Variants in TNNI3K observed in about 807,000 individuals in gnomAD.
The protein encoded by TNNI3K is TNNI3 interacting kinase, also known as serine/threonine-protein kinase TNNI3K.
A neutral mutation model predicts 114.5 loss-of-function variants in TNNI3K; 140 were observed. The observed-to-expected ratio is 1.22, with a 90% confidence interval of 1.07 to 1.41. The LOEUF is 1.41. TNNI3K is among the 40% of genes most tolerant of loss of function. The pLI is 0.00. For synonymous variants in TNNI3K, 347 were observed against 347.5 expected (o/e 1.00, Z 0.02); for missense variants, 1,125 against 1,007.6 (o/e 1.12, Z -1.58).
chr1:74,491,270 A>G (rs2100301332), intron 22 of TNNI3K, among the ~76,000 whole-genome samples: 1 of 152,294 alleles, frequency 6.6e-6, no homozygotes, highest in Non-Finnish European at 1.5e-5. Context: ...TCCAGGCTGG[A>G]GTGCAGTGGC....
At chr1:74,425,126 G>A (rs1052393201) in intron 17 of TNNI3K, among the ~76,000 whole-genome samples, 3 of 152,084 alleles carry the variant, frequency 2.0e-5, no homozygotes, top group Admixed American at 6.6e-5. Context: ...GAAGTCATTG[G>A]TGTGAGTAGA....
At chr1:74,491,164 G>A (rs1669053830) in intron 22 of TNNI3K, among the ~76,000 whole-genome samples, 1 of 152,156 alleles carries the variant, frequency 6.6e-6, no homozygotes, top group Admixed American at 6.5e-5. Context: ...CCGGTTGAAG[G>A]AGCTAATGAT....
At chr1:74,385,197 T>C (rs1663411491) in intron 17 of TNNI3K, among the ~76,000 whole-genome samples, 1 of 152,094 alleles carries the variant, frequency 6.6e-6, no homozygotes, top group Admixed American at 6.6e-5. Context: ...AACTAATCAA[T>C]AGAGTTGAAA....
At chr1:74,318,110 C>T (rs1659418570) in intron 5 of TNNI3K, among the ~76,000 whole-genome samples, 1 of 152,160 alleles carries the variant, frequency 6.6e-6, no homozygotes, top group East Asian at 1.9e-4. Flanking sequence ...TAGGGCTCAT[C>T]GAATTTGTTC....
chr1:74,307,708 T>C (rs1193861117), intron 5 of TNNI3K, among the ~76,000 whole-genome samples: 1 of 152,014 alleles, frequency 6.6e-6, no homozygotes, highest in Non-Finnish European at 1.5e-5. Flanking sequence ...CGGCCAGGCG[T>C]GGTGGCTTAA....
intron 7 of TNNI3K, among the ~76,000 whole-genome samples, chr1:74,340,764 G>A (rs532552203): frequency 6.6e-6 from 1 of 152,216 alleles, no homozygotes; most frequent in Non-Finnish European, 1.5e-5. Flanking sequence ...CAGATGCCCT[G>A]GACCCCTAAC....
At chr1:74,303,436 A>C (rs983388321) in intron 5 of TNNI3K, among the ~76,000 whole-genome samples, 25 of 152,108 alleles carry the variant, frequency 1.6e-4, no homozygotes, top group African/African-American at 5.6e-4. Context: ...AAGTGCTGGG[A>C]TTACAGGCAT....
chr1:74,419,062 G>T (rs1225800567), intron 17 of TNNI3K, among the ~76,000 whole-genome samples: 1 of 152,038 alleles, frequency 6.6e-6, no homozygotes. Context: ...AAAAGTTGGT[G>T]GCTTAAAACA....
intron 17 of TNNI3K, chr1:74,416,603 C>T (rs1397164849): frequency 2.8e-5 from 27 of 958,912 alleles, no homozygotes; most frequent in Admixed American, 6.2e-5. Context: ...TTCTGTTTCC[C>T]CTTCCTCTTC....
intron 5 of TNNI3K, among the ~76,000 whole-genome samples, chr1:74,314,481 C>G (rs1303092596): frequency 6.6e-6 from 1 of 151,980 alleles, no homozygotes; most frequent in Non-Finnish European, 1.5e-5. Flanking sequence ...CTTCTCTGAA[C>G]AGGCTACATA....
At chr1:74,374,608 T>C (rs1570541097) in intron 17 of TNNI3K, 1 of 151,994 alleles carries the variant, frequency 6.6e-6, no homozygotes, top group Admixed American at 6.6e-5. Context: ...CAATTTCTCA[T>C]ATCATCTTAT....
At chr1:74,236,646 C>T (rs1301152183) in intron 2 of TNNI3K, among the ~76,000 whole-genome samples, 1 of 151,792 alleles carries the variant, frequency 6.6e-6, no homozygotes, top group Non-Finnish European at 1.5e-5. Context: ...GGTCTCTTGA[C>T]ATTGAAAGGC....
At chr1:74,304,283 T>C (rs1287149974) in intron 5 of TNNI3K, among the ~76,000 whole-genome samples, 1 of 152,184 alleles carries the variant, frequency 6.6e-6, no homozygotes, top group Non-Finnish European at 1.5e-5. Flanking sequence ...AACATTGTCT[T>C]ATTTTAAGAA....
At chr1:74,469,971 G>T in intron 21 of TNNI3K, 2 of 400,632 alleles carry the variant, frequency 5.0e-6, no homozygotes, top group South Asian at 2.5e-4. Flanking sequence ...CATTTATTCT[G>T]CTAGGAACTA....
intron 17 of TNNI3K, among the ~76,000 whole-genome samples, chr1:74,393,742 G>T (rs1188583145): frequency 1.3e-5 from 2 of 152,262 alleles, no homozygotes; most frequent in African/African-American, 4.8e-5. Flanking sequence ...TGGGGGCCCT[G>T]AGGGGAGGCA....
intron 17 of TNNI3K, among the ~76,000 whole-genome samples, chr1:74,402,308 A>G (rs1664405122): frequency 2.0e-5 from 3 of 152,210 alleles, no homozygotes; most frequent in Admixed American, 2.0e-4. Flanking sequence ...CAAGTTCCTC[A>G]GGAATAGTTA....
Position 74,332,324 on chromosome 1 carries a change from G to A in TNNI3K, c.543+776G>A, listed in dbSNP as rs143126066. Among the ~76,000 whole-genome samples, 1,437 of 149,960 alleles carry A rather than the reference G, an allele frequency of 9.6e-3. 24 individuals carry two copies. Among genetic ancestry groups the A allele is most frequent in the African/African-American group, 0.033 (1,347 of 40,732 alleles). On this transcript the variant is annotated intron_variant, in intron 6 of 24. Transcript: ENST00000326637. ...TTTTTTTTTTTCTTTTTTGTGAGAC[G>A]GAGTATTGCTCTGTCGCCCAGGCTG...
chr1:74,495,686 TAATGGAGAGTA>T (rs1247114760), intron 23 of TNNI3K, among the ~76,000 whole-genome samples: 1 of 152,120 alleles, frequency 6.6e-6, no homozygotes, highest in East Asian at 1.9e-4. Flanking sequence ...TTTCCCAAGT[TAATGGAGAGTA>T]AGTAAGCAAA....
At chr1:74,292,312 A>G (rs1250207513) in intron 5 of TNNI3K, among the ~76,000 whole-genome samples, 2 of 151,416 alleles carry the variant, frequency 1.3e-5, no homozygotes, top group Admixed American at 6.6e-5. Context: ...ATGGATGCAT[A>G]GCTTAGCTTA....
Sources: allele counts gnomAD v4.1 joint callset (sites outside exome capture counted in the v4.1 genomes callset), GRCh38; gene constraint gnomAD v4.1.1; transcripts MANE v1.5; gene names NCBI Gene and HGNC (gene_info 2026-07-23, HGNC 2026-07-21).